DNAI7: variants seen among roughly 807,000 people sequenced by gnomAD.
The protein encoded by DNAI7 is cancer susceptibility 1.
In DNAI7, 78 loss-of-function variants were observed where a neutral mutation model predicts 86.6. The observed-to-expected ratio is 0.90, with a 90% CI of 0.75 to 1.09. DNAI7 has a LOEUF of 1.09. Ranked by LOEUF, DNAI7 falls within the 50% of genes least tolerant of loss-of-function variation. DNAI7 has a pLI of 0.00. For missense variants in DNAI7, 753 were observed against 810.2 expected (o/e 0.93, Z 0.86); for synonymous variants, 274 against 273.0 (o/e 1.00, Z -0.04).
chr12:25,123,887 TA>T (rs2140490687), intron 9 of DNAI7, among the ~76,000 whole-genome samples: 1 of 152,264 alleles, frequency 6.6e-6, no homozygotes, highest in East Asian at 1.9e-4. Context: ...ATCAGACATA[TA>T]ACACATCTTG....
At chr12:25,187,916 G>T (rs1054407131) in intron 2 of DNAI7, among the ~76,000 whole-genome samples, 1 of 152,044 alleles carries the variant, frequency 6.6e-6, no homozygotes, top group African/African-American at 2.4e-5. Flanking sequence ...AAAAAAAGAA[G>T]GCTTGCATAT....
rs771735673 is a variant in DNAI7, at chr12:25,144,506, G to A, written c.861C>T (p.Val287=). ...KEYTSAVTEL[V]KDDVKNVEKA... is the part of the protein sequence containing the mutation. ...TTTCTACATTCTTAACATCATCTTT[G>A]ACAAGCTCAGTTACTGCAGAAGTGT... The change falls in exon 9 of 16, where the codon GTC becomes GTT. Residue 287 remains valine (V), a synonymous_variant. Coordinates refer to ENST00000395987, the MANE Select transcript of DNAI7 (RefSeq NM_018272.5). The A allele has an allele frequency of 1.1e-5, 17 of 1,613,850 alleles. No homozygotes were observed. The highest frequency in any genetic ancestry group is 1.4e-5 in the Non-Finnish European group (16 of 1,179,994).
At chr12:25,182,347 CAAAAAAAAAA>C (rs1172587693) in intron 2 of DNAI7, among the ~76,000 whole-genome samples, 1 of 63,244 alleles carries the variant, frequency 1.6e-5, no homozygotes, top group African/African-American at 5.0e-5. Flanking sequence ...AACTTCATCT[CAAAAAAAAAA>C]AAAAAAAAAG....
chr12:25,129,144 CCTT>C (rs1213557998), intron 9 of DNAI7, among the ~76,000 whole-genome samples: 2 of 152,164 alleles, frequency 1.3e-5, no homozygotes, highest in African/African-American at 4.8e-5. Flanking sequence ...ATAGCTGATT[CCTT>C]CTTGTCATCT....
At chr12:25,134,920 T>C (rs1018839646) in intron 9 of DNAI7, among the ~76,000 whole-genome samples, 7 of 152,198 alleles carry the variant, frequency 4.6e-5, no homozygotes, top group African/African-American at 1.4e-4. Context: ...CATATGCTTA[T>C]ATATTTAGTA....
At chr12:25,108,274 G>C, downstream of DNAI7, 1 of 569,100 alleles carries the variant, frequency 1.8e-6, no homozygotes, top group Non-Finnish European at 3.0e-6. Flanking sequence ...AGCTTTTTAA[G>C]GAAGAAATAT....
intron 9 of DNAI7, among the ~76,000 whole-genome samples, chr12:25,134,507 C>T (rs1235137640): frequency 6.6e-6 from 1 of 151,892 alleles, no homozygotes; most frequent in Non-Finnish European, 1.5e-5. Flanking sequence ...CAGGCACATG[C>T]CACCATGCCC....
intron 10 of DNAI7, 83 bp from the exon 11 acceptor site, chr12:25,121,996 G>T: frequency 2.1e-6 from 2 of 939,708 alleles, no homozygotes; most frequent in Admixed American, 2.9e-5. Context: ...TTCTCATACT[G>T]GTAAAGGAAG....
At chr12:25,146,510 G>T (rs924174289) in intron 8 of DNAI7, among the ~76,000 whole-genome samples, 1 of 150,326 alleles carries the variant, frequency 6.7e-6, no homozygotes, top group African/African-American at 2.4e-5. Context: ...GAGGCACAAA[G>T]AATCGCTTGA....
At chr12:25,143,297 G>A (rs1944434425) in intron 9 of DNAI7, among the ~76,000 whole-genome samples, 1 of 145,706 alleles carries the variant, frequency 6.9e-6, no homozygotes, top group African/African-American at 2.6e-5. Flanking sequence ...CACCCAGGCT[G>A]AAGTGCAATG....
At chr12:25,169,602 CT>C (rs1947899556) in intron 2 of DNAI7, among the ~76,000 whole-genome samples, 1 of 152,138 alleles carries the variant, frequency 6.6e-6, no homozygotes, top group Admixed American at 6.5e-5. Context: ...AATCCCAGCA[CT>C]TTGGGAGGCC....
chr12:25,137,706 C>A (rs1457049216), intron 9 of DNAI7, among the ~76,000 whole-genome samples: 1 of 152,040 alleles, frequency 6.6e-6, no homozygotes, highest in Non-Finnish European at 1.5e-5. Context: ...AAAGACATTC[C>A]ATGCAAATGG....
intron 9 of DNAI7, among the ~76,000 whole-genome samples, chr12:25,141,875 T>C (rs1944238772): frequency 6.6e-6 from 1 of 151,656 alleles, no homozygotes; most frequent in Admixed American, 6.6e-5. Context: ...CAAAAAATAA[T>C]AGATGTTTGA....
chr12:25,151,996 A>G (rs1945604436), intron 6 of DNAI7, among the ~76,000 whole-genome samples: 1 of 152,204 alleles, frequency 6.6e-6, no homozygotes, highest in African/African-American at 2.4e-5. Context: ...AAGGATAATA[A>G]TAGGAATAAG....
intron 4 of DNAI7, among the ~76,000 whole-genome samples, chr12:25,157,010 C>G (rs1328425838): frequency 6.6e-6 from 1 of 152,038 alleles, no homozygotes; most frequent in Admixed American, 6.5e-5. Context: ...ACAACTTGGC[C>G]GGGCGCAGTG....
intron 9 of DNAI7, among the ~76,000 whole-genome samples, chr12:25,140,105 A>G (rs1944004579): frequency 6.6e-6 from 1 of 152,162 alleles, no homozygotes; most frequent in South Asian, 2.1e-4. Context: ...ATAGGGAAAC[A>G]TTGAAAGCAT....
chr12:25,173,228 C>T (rs1948330124), intron 2 of DNAI7, among the ~76,000 whole-genome samples: 1 of 152,058 alleles, frequency 6.6e-6, no homozygotes, highest in South Asian at 2.1e-4. Context: ...CCAGAATCTG[C>T]AACGAACTCA....
chr12:25,109,539 A>G (rs1049985973), intron 15 of DNAI7, among the ~76,000 whole-genome samples: 1 of 152,160 alleles, frequency 6.6e-6, no homozygotes, highest in Non-Finnish European at 1.5e-5. Flanking sequence ...GGTGGGAGCC[A>G]CTGCACCCGG....
chr12:25,126,147 C>T (rs1455833181), intron 9 of DNAI7, among the ~76,000 whole-genome samples: 1 of 152,070 alleles, frequency 6.6e-6, no homozygotes, highest in Non-Finnish European at 1.5e-5. Flanking sequence ...AAGTGAAAGG[C>T]ATGAAGCAAA....
Sources: gnomAD v4.1 joint callset for allele counts (sites outside exome capture counted in the v4.1 genomes callset) on GRCh38, gnomAD v4.1.1 for gene constraint, MANE v1.5 for transcripts, NCBI Gene and HGNC (gene_info 2026-07-23, HGNC 2026-07-21) for gene names.